SHOX: variants seen among roughly 807,000 people sequenced by gnomAD.
The protein encoded by SHOX is short stature homeobox protein.
In SHOX, 12 loss-of-function variants were observed where a neutral mutation model predicts 29.6. That is an observed-to-expected ratio of 0.41 (90% CI 0.26 to 0.66). The LOEUF is 0.66. Among genes scored for constraint, SHOX ranks in the 30% least tolerant of loss-of-function variants. The pLI, the probability that SHOX is intolerant of heterozygous loss-of-function variation, is 0.35. For synonymous variants in SHOX, 214 were observed against 200.6 expected, an observed-to-expected ratio of 1.07 and a Z score of -0.57; for missense variants, 499 against 437.7, an observed-to-expected ratio of 1.14 and a Z score of -1.25.
intron 1 of SHOX, chrX:631,959 G>GC (rs1350897410): frequency 2.2e-6 from 1 of 455,986 alleles, no homozygotes; most frequent in Non-Finnish European, 4.4e-6. Context: ...CGGGCCCCCG[G>GC]AGATCACGGG....
chrX:627,534 T>C (rs889526698), upstream of SHOX, among the ~76,000 whole-genome samples: 1 of 152,096 alleles, frequency 6.6e-6, no homozygotes, highest in Non-Finnish European at 1.5e-5. Flanking sequence ...AAGCGGGGTG[T>C]TGGAAAGGCA....
At chrX:625,228 C>G (rs1334765979) in intron 1 of SHOX, among the ~76,000 whole-genome samples, 10 of 140,496 alleles carry the variant, frequency 7.1e-5, no homozygotes, top group Non-Finnish European at 1.4e-4. Flanking sequence ...CCTCCTTCTC[C>G]CTCCTCCTCC....
At position 646,147 on chromosome X, in the gene SHOX, C is replaced by T. The variant is rs1472858937; in HGVS notation, c.*1511C>T. On this transcript the variant is annotated 3_prime_UTR_variant, in exon 5 of 5. Coordinates refer to ENST00000686671, the MANE Select transcript of SHOX (RefSeq NM_000451.4). ...TCCTGACCTCAGGTGATCTGCCCGC[C>T]TCGGCCTCCCAACGTGCCCCCAGTT... is the stretch of plus-strand genomic sequence containing the variant. 6.6e-6 allele frequency: 1 copy of T among 152,236 alleles called. No homozygotes were observed. Among genetic ancestry groups the T allele is most frequent in the African/African-American group, 2.4e-5 (1 of 41,442 alleles). The allele number at this position is 152,236 out of a possible 1,614,324, so 9.4% of individuals were successfully genotyped here. A position where few individuals can be genotyped will look rare whatever the true frequency, so the allele number is the denominator to read the frequency against.
chrX:655,610 CTCTCTATATATATATATA>C (rs1303276764), downstream of SHOX, among the ~76,000 whole-genome samples: 563 of 18,820 alleles, frequency 0.03, 2 homozygotes, highest in Middle Eastern at 0.043. Context: ...CTCTCTCTCT[CTCTCTATATATATATATA>C]TATATATATA....
chrX:634,781 C>A lies in SHOX; in HGVS notation c.441C>A (p.Arg147=), dbSNP rs769555283. ...DETHYPDAFM[R]EELSQRLGLS... The stretch of plus-strand genomic sequence containing the variant: ...CCCATTACCCCGACGCCTTCATGCG[C>A]GAGGAGCTCAGCCAGCGCCTGGGGC... Residue 147 remains arginine, a synonymous_variant, in exon 2 of 5, where the codon CGC becomes CGA. Coordinates refer to ENST00000686671, the MANE Select transcript of SHOX (RefSeq NM_000451.4). The A allele has an allele frequency of 1.9e-6, 3 of 1,602,588 alleles. No homozygotes were observed. The highest frequency in any genetic ancestry group is 2.6e-6 in the Non-Finnish European group (3 of 1,174,848).
At chrX:643,209 AAGAGGCTTGGACACCTGGTGTCCTGGGG>A (rs1569494973) in intron 4 of SHOX, among the ~76,000 whole-genome samples, 1 of 109,180 alleles carries the variant, frequency 9.2e-6, no homozygotes, top group Non-Finnish European at 1.8e-5. Context: ...GTGTCTCTGG[AAGAGGCTTGGACACCTGGTGTCCTGGGG>A]AGAGGCTTGG....
intron 1 of SHOX, chrX:631,890 G>C (rs749654637): frequency 2.2e-6 from 1 of 455,902 alleles, no homozygotes; most frequent in African/African-American, 2.0e-5. Flanking sequence ...TTGTATTTAC[G>C]GTCACCCAGA....
upstream of SHOX, among the ~76,000 whole-genome samples, chrX:626,952 C>T (rs896671798): frequency 6.6e-6 from 1 of 151,344 alleles, no homozygotes; most frequent in Non-Finnish European, 1.5e-5. Context: ...CTCTTTTTCT[C>T]TCTCTGTCTG....
chrX:643,976 AGCCTT>A (rs2052915587), intron 4 of SHOX, among the ~76,000 whole-genome samples: 1 of 58,040 alleles, frequency 1.7e-5, no homozygotes, highest in Non-Finnish European at 3.7e-5. Flanking sequence ...GTCTCGGGAG[AGCCTT>A]GGTGACCTGG....
At chrX:632,293 G>A (rs896618219) in intron 1 of SHOX, among the ~76,000 whole-genome samples, 1 of 151,986 alleles carries the variant, frequency 6.6e-6, no homozygotes, top group Non-Finnish European at 1.5e-5. Context: ...GTCGTCCCGT[G>A]GTGGAAATCG....
Position 651,258 on chromosome X carries a change from T to C in SHOX, c.*6622T>C. The C allele has an allele frequency of 2.2e-6, 1 of 454,956 alleles. No individual in the cohort carries two copies. Among genetic ancestry groups the C allele is most frequent in the Non-Finnish European group, 4.4e-6 (1 of 226,308 alleles). The allele number at this position is 454,956 out of a possible 1,614,324, so 28.2% of individuals were successfully genotyped here. A position where few individuals can be genotyped will look rare whatever the true frequency, so the allele number is the denominator to read the frequency against. ...CATTGACGACATAGCGGCCCCCGCGTCCGGGTTACAAATACATCTACAGAT... is the reference window on the plus strand; with the variant it reads ...CATTGACGACATAGCGGCCCCCGCGCCCGGGTTACAAATACATCTACAGAT... On this transcript the variant is annotated 3_prime_UTR_variant, in exon 5 of 5. Coordinates refer to ENST00000686671, the MANE Select transcript of SHOX (RefSeq NM_000451.4).
Position 650,051 on chromosome X carries a change from G to A in SHOX, c.*5415G>A, listed in dbSNP as rs1463730927. The stretch of plus-strand genomic sequence containing the variant: ...TTGCAAAGGTGTGTTCCTGGCAATT[G>A]CCAAGAGTTAGAAAAATGCACCTTC... On this transcript the variant is annotated 3_prime_UTR_variant, in exon 5 of 5. Transcript: ENST00000686671. The A allele has an allele frequency of 6.6e-6, 3 of 455,322 alleles. No individual in the cohort carries two copies. Among genetic ancestry groups the A allele is most frequent in the African/African-American group, 6.0e-5 (3 of 50,044 alleles). 28.2% of individuals were successfully genotyped at this position (455,322 alleles called of 1,614,324 possible).
At chrX:627,774 G>A (rs1208237111), upstream of SHOX, among the ~76,000 whole-genome samples, 16 of 152,172 alleles carry the variant, frequency 1.1e-4, no homozygotes, top group Non-Finnish European at 1.9e-4. Flanking sequence ...TGCGGCCCAA[G>A]AAGGAACCTC....
At position 644,692 on chromosome X, in the gene SHOX, C is replaced by A; in HGVS notation, c.*56C>A. 2.9e-6 allele frequency: 4 copies of A among 1,375,212 alleles called. No homozygotes were observed. The highest frequency in any genetic ancestry group is 3.7e-6 in the Non-Finnish European group (4 of 1,075,534). The allele number at this position is 1,375,212 out of a possible 1,614,324, so 85.2% of individuals were successfully genotyped here. On this transcript the variant is annotated 3_prime_UTR_variant, in exon 5 of 5. Coordinates refer to ENST00000686671, the MANE Select transcript of SHOX (RefSeq NM_000451.4). ...TCCCGGGCTCCGCGCACCCCGCCTG[C>A]ACCGCGCGTCCTGCACTCAACCCCG...
intron 1 of SHOX, chrX:631,893 C>G (rs1341491796): frequency 1.1e-5 from 5 of 455,916 alleles, no homozygotes; most frequent in Non-Finnish European, 1.8e-5. Flanking sequence ...TATTTACGGT[C>G]ACCCAGACGC....
Position 641,104 on chromosome X carries a change from T to C in SHOX, c.633+17T>C, listed in dbSNP as rs757270000. On this transcript the variant is annotated intron_variant, in intron 4 of 4. Transcript: ENST00000686671. The stretch of plus-strand genomic sequence containing the variant: ...TTCCAACAGGTAGCTCACTTTTTCT[T>C]CCTCTGAAGATCCCTAGGGACCTGC... 17 of 1,611,512 alleles carry C rather than the reference T, an allele frequency of 1.1e-5. No homozygotes were observed. Among genetic ancestry groups the C allele is most frequent in the Non-Finnish European group, 1.4e-5 (17 of 1,177,908 alleles).
rs946733879 is a variant in SHOX, at chrX:649,774, C to G, written c.*5138C>G. ...ATGCTGGGTTGGGTCCTGATTGATA[C>G]GTATTTTCTTCCCTCCTCTCCCCAA... On this transcript the variant is annotated 3_prime_UTR_variant, in exon 5 of 5. Coordinates refer to ENST00000686671, the MANE Select transcript of SHOX (RefSeq NM_000451.4). Among the ~76,000 whole-genome samples the G allele has an allele frequency of 6.6e-6, 1 of 152,142 alleles. No individual in the cohort carries two copies. The highest frequency in any genetic ancestry group is 2.4e-5 in the African/African-American group (1 of 41,444).
intron 4 of SHOX, 146 bp from the exon 5 acceptor site, chrX:644,245 C>A: frequency 2.9e-6 from 3 of 1,051,832 alleles, no homozygotes; most frequent in African/African-American, 1.7e-5. Context: ...GGAGGAAAGG[C>A]GGGTGTGGGG....
rs1230490334 is a variant in SHOX at position 630,831 on chromosome X, G to C, written c.-67G>C. On this transcript the variant is annotated 5_prime_UTR_variant, in exon 1 of 5. Coordinates refer to ENST00000686671, the MANE Select transcript of SHOX (RefSeq NM_000451.4). ...GGTGATCCACCCGCGCGCACGGGCCGTCCTCTCCGCGCGGGGAGACGCGCG... is the reference window on the plus strand; with the variant it reads ...GGTGATCCACCCGCGCGCACGGGCCCTCCTCTCCGCGCGGGGAGACGCGCG... 250 of 1,594,852 alleles carry C rather than the reference G, an allele frequency of 1.6e-4. 3 individuals carry two copies. In the South Asian group the frequency reaches 2.7e-3, roughly 17 times the overall value.
Sources: gnomAD v4.1 joint callset for allele counts (sites outside exome capture counted in the v4.1 genomes callset) on GRCh38, gnomAD v4.1.1 for gene constraint, MANE v1.5 for transcripts, NCBI Gene and HGNC (gene_info 2026-07-23, HGNC 2026-07-21) for gene names.